XPO6: variants seen among roughly 807,000 people sequenced by gnomAD.
The protein encoded by XPO6 is exportin-6.
Under a neutral mutation model 130.0 loss-of-function variants are expected in XPO6, and 3 were observed. The observed-to-expected ratio is 0.02, with a 90% confidence interval of 0.01 to 0.06. The LOEUF (loss-of-function observed/expected upper bound fraction) is 0.06, where lower values mean the gene tolerates loss of function less well. Among genes scored for constraint, XPO6 ranks in the 10% least tolerant of loss-of-function variants. The pLI is 1.00. For synonymous variants in XPO6, 524 were observed against 548.9 expected, an observed-to-expected ratio of 0.95 and a Z score of 0.63; for missense variants, 970 against 1,393.0, an observed-to-expected ratio of 0.70 and a Z score of 4.83.
intron 6 of XPO6, among the ~76,000 whole-genome samples, chr16:28,159,059 G>A (rs1160323471): frequency 2.6e-5 from 4 of 151,766 alleles, no homozygotes; most frequent in South Asian, 2.1e-4. Context: ...GCGACACCCC[G>A]TCTCTACAAA....
chr16:28,164,811 G>GT (rs1214500320), intron 6 of XPO6, among the ~76,000 whole-genome samples: 1 of 152,208 alleles, frequency 6.6e-6, no homozygotes, highest in East Asian at 1.9e-4. Flanking sequence ...CTCAGAACCT[G>GT]TTTGGATGAA....
intron 13 of XPO6, among the ~76,000 whole-genome samples, chr16:28,124,790 T>C (rs1242086861): frequency 6.6e-6 from 1 of 152,238 alleles, no homozygotes; most frequent in Non-Finnish European, 1.5e-5. Flanking sequence ...TTGGCTATCT[T>C]TGCTTTTCAG....
At chr16:28,159,992 C>A (rs1293626072) in intron 6 of XPO6, among the ~76,000 whole-genome samples, 2 of 151,708 alleles carry the variant, frequency 1.3e-5, no homozygotes, top group African/African-American at 2.4e-5. Flanking sequence ...TCGAGACAAG[C>A]CCGGCCAACA....
chr16:28,118,568 G>C (rs1487941679), intron 14 of XPO6, among the ~76,000 whole-genome samples: 3 of 152,148 alleles, frequency 2.0e-5, no homozygotes, highest in African/African-American at 7.2e-5. Context: ...TGTTGGCCAG[G>C]CTGGTCTCAA....
intron 1 of XPO6, among the ~76,000 whole-genome samples, chr16:28,182,943 CA>C (rs781348861): frequency 2.0e-5 from 3 of 151,474 alleles, no homozygotes; most frequent in African/African-American, 2.4e-5. Context: ...GCAGAAGAAT[CA>C]AAAAAAATAG....
intron 7 of XPO6, 182 bp downstream of exon 7, chr16:28,155,892 C>T: frequency 1.5e-6 from 2 of 1,378,520 alleles, no homozygotes; most frequent in Non-Finnish European, 9.4e-7. Flanking sequence ...CAGTCACTTC[C>T]CTTAACCACC....
chr16:28,181,004 A>G lies in XPO6; in HGVS notation c.31T>C (p.Leu11=), dbSNP rs1359545197. 5 of 1,613,226 alleles carry G rather than the reference A, an allele frequency of 3.1e-6. No homozygotes were observed. Among genetic ancestry groups the G allele is most frequent in the Admixed American group, 1.7e-5 (1 of 59,938 alleles). Residue 11 remains leucine, a synonymous_variant, in exon 2 of 24, where the codon TTG becomes CTG. Transcript: ENST00000304658. The part of the protein sequence containing the change: MASEEASLRA[L]ESLMTEFFHD... Reference sequence around the variant, plus strand: ...AAAAATTCTGTCATCAGACTTTCCAATGCCCTGAGAGAGGCTTCTTCAGAT... The same window carrying G: ...AAAAATTCTGTCATCAGACTTTCCAGTGCCCTGAGAGAGGCTTCTTCAGAT...
rs201774423 is a variant in XPO6 at position 28,133,856 on chromosome 16, G to A, written c.1521C>T (p.His507=). 5.9e-5 allele frequency: 95 copies of A among 1,613,972 alleles called. No homozygotes were observed. Among genetic ancestry groups the A allele is most frequent in the Middle Eastern group, 3.3e-4 (2 of 6,084 alleles). The part of the protein sequence containing the change: ...VAKVMELLPT[H]AFSTLFPVLQ... The stretch of plus-strand genomic sequence containing the variant: ...AGCACATTACCAGTGTGGAGAAGGC[G>A]TGCGTGGGCAGGAGCTCCATCACTT... Residue 507 remains histidine (H), a synonymous_variant, in exon 11 of 24, where the codon CAC becomes CAT. Coordinates refer to ENST00000304658, the MANE Select transcript of XPO6 (RefSeq NM_015171.4).
chr16:28,114,436 G>GC (rs1423014546), intron 15 of XPO6, among the ~76,000 whole-genome samples: 1 of 152,108 alleles, frequency 6.6e-6, no homozygotes, highest in Non-Finnish European at 1.5e-5. Context: ...ATGCAATAAC[G>GC]CAAGGCACAC....
chr16:28,166,751 C>G, intron 5 of XPO6, 166 bp from the exon 6 acceptor site: 1 of 985,468 alleles, frequency 1.0e-6, no homozygotes, highest in Non-Finnish European at 1.2e-6. Flanking sequence ...GACTTCACAG[C>G]TATCTTCTGG....
intron 12 of XPO6, among the ~76,000 whole-genome samples, chr16:28,126,228 C>A (rs1019881851): frequency 6.6e-6 from 1 of 152,194 alleles, no homozygotes; most frequent in South Asian, 2.1e-4. Flanking sequence ...GTCACATTTC[C>A]GGGGCAAGGC....
intron 1 of XPO6, among the ~76,000 whole-genome samples, chr16:28,204,249 G>C (rs2043993541): frequency 6.6e-6 from 1 of 152,022 alleles, no homozygotes; most frequent in Non-Finnish European, 1.5e-5. Context: ...TAATAATATT[G>C]AGTATATAAA....
chr16:28,136,480 A>T (rs139113073), intron 9 of XPO6, among the ~76,000 whole-genome samples: 2 of 152,160 alleles, frequency 1.3e-5, no homozygotes, highest in Non-Finnish European at 2.9e-5. Context: ...TCGACCTCCC[A>T]AAGTGTCAGG....
chr16:28,169,192 C>T (rs915194389), intron 5 of XPO6, among the ~76,000 whole-genome samples: 20 of 152,226 alleles, frequency 1.3e-4, no homozygotes, highest in Non-Finnish European at 1.8e-4. Flanking sequence ...ACCCAGGGCA[C>T]TCCCCTCTCC....
At chr16:28,188,149 C>T (rs1167009034) in intron 1 of XPO6, among the ~76,000 whole-genome samples, 1 of 152,060 alleles carries the variant, frequency 6.6e-6, no homozygotes, top group African/African-American at 2.4e-5. Context: ...CTATGTTGCC[C>T]AAGCTAGTCT....
chr16:28,139,620 TAAAGA>T (rs2042848228), intron 9 of XPO6, among the ~76,000 whole-genome samples: 1 of 152,130 alleles, frequency 6.6e-6, no homozygotes. Flanking sequence ...AACCTCAATA[TAAAGA>T]AGAGAGGCTA....
chr16:28,182,394 C>T (rs1230666037), intron 1 of XPO6, among the ~76,000 whole-genome samples: 1 of 152,174 alleles, frequency 6.6e-6, no homozygotes, highest in East Asian at 1.9e-4. Flanking sequence ...CCAACCAACA[C>T]ACACAAGTGC....
intron 1 of XPO6, among the ~76,000 whole-genome samples, chr16:28,187,559 T>G (rs1412844103): frequency 6.6e-6 from 1 of 151,516 alleles, no homozygotes; most frequent in Non-Finnish European, 1.5e-5. Flanking sequence ...GAGAATTAAA[T>G]AAAATGTAAA....
At chr16:28,169,970 A>G (rs2043423088) in intron 4 of XPO6, 61 bp from the exon 5 acceptor site, 3 of 1,586,972 alleles carry the variant, frequency 1.9e-6, no homozygotes, top group Admixed American at 1.7e-5. Context: ...AAGAGGACTC[A>G]GTAGCATTAA....
Sources: gnomAD v4.1 joint callset for allele counts (sites outside exome capture counted in the v4.1 genomes callset) on GRCh38, gnomAD v4.1.1 for gene constraint, MANE v1.5 for transcripts, NCBI Gene and HGNC (gene_info 2026-07-23, HGNC 2026-07-21) for gene names.